Variants in MAPK10 observed in about 807,000 individuals in gnomAD.
MAPK10 encodes JNK3 alpha protein kinase.
In MAPK10, 25 loss-of-function variants were observed where a neutral mutation model predicts 59.3. That is an observed-to-expected ratio of 0.42 (90% confidence interval 0.31 to 0.59). MAPK10 has a LOEUF of 0.59. Among genes scored for constraint, MAPK10 ranks in the 20% least tolerant of loss-of-function variants. The probability of loss-of-function intolerance (pLI) is 0.15; values close to 1 mark genes in which losing one functional copy is unlikely to be tolerated. For synonymous variants in MAPK10, 190 were observed against 200.5 expected, an observed-to-expected ratio of 0.95 and a Z score of 0.44; for missense variants, 351 against 568.9, an observed-to-expected ratio of 0.62 and a Z score of 3.90.
intron 2 of MAPK10, among the ~76,000 whole-genome samples, chr4:86,318,529 T>G (rs555429449): frequency 6.6e-6 from 1 of 152,164 alleles, no homozygotes; most frequent in Non-Finnish European, 1.5e-5. Context: ...GGAAGACCTA[T>G]GAGAAAGCTA....
chr4:86,234,594 A>G (rs532236151), intron 2 of MAPK10, among the ~76,000 whole-genome samples: 69 of 152,260 alleles, frequency 4.5e-4, no homozygotes, highest in Non-Finnish European at 7.5e-4. Context: ...TGACAAATGT[A>G]TTAACAAGTA....
At chr4:86,567,186 T>G (rs1183794346) in intron 1 of MAPK10, among the ~76,000 whole-genome samples, 1 of 152,192 alleles carries the variant, frequency 6.6e-6, no homozygotes. Context: ...GTATAATTTT[T>G]CATACTTGAA....
At chr4:86,101,380 A>G (rs762505312) in intron 7 of MAPK10, 163 bp from the exon 8 acceptor site, 3 of 532,040 alleles carry the variant, frequency 5.6e-6, no homozygotes, top group Non-Finnish European at 6.7e-6. Context: ...TAAGTTAACT[A>G]TTAGTTTTTG....
chr4:86,529,609 C>T (rs922758905), intron 1 of MAPK10, among the ~76,000 whole-genome samples: 2 of 152,072 alleles, frequency 1.3e-5, no homozygotes, highest in African/African-American at 4.8e-5. Context: ...CCCTCTCTCA[C>T]ATACTTGACT....
At chr4:86,438,954 TTC>T (rs1267868088) in intron 1 of MAPK10, among the ~76,000 whole-genome samples, 1 of 152,166 alleles carries the variant, frequency 6.6e-6, no homozygotes, top group Admixed American at 6.5e-5. Context: ...AGCAAAGGAT[TTC>T]AAGCCAGCAG....
chr4:86,473,289 G>A (rs914132759), intron 1 of MAPK10, among the ~76,000 whole-genome samples: 1 of 152,180 alleles, frequency 6.6e-6, no homozygotes, highest in Non-Finnish European at 1.5e-5. Context: ...TATTTGAACA[G>A]ATATCACATA....
chr4:86,099,219 A>G (rs1246933678), intron 8 of MAPK10: 4 of 152,370 alleles, frequency 2.6e-5, no homozygotes, highest in Non-Finnish European at 5.9e-5. Flanking sequence ...CATCAGTTTT[A>G]GTTTCCATTT....
chr4:86,537,569 C>A lies in MAPK10; in HGVS notation c.-263+56341G>T, dbSNP rs186317002. ...GAGCATGAAAAATCTGATTGTGACA[C>A]GTCAAAAGGACAGAGAAGCCAGTTT... On this transcript the variant is annotated intron_variant, in intron 1 of 4. Coordinates refer to the MAPK10 transcript ENST00000502302. Among the ~76,000 whole-genome samples, 13 of 152,244 alleles carry A rather than the reference C, an allele frequency of 8.5e-5. No homozygotes were observed. The East Asian group carries it at 2.3e-3, about 27-fold the overall frequency.
At position 86,459,957 on chromosome 4, in the gene MAPK10, C is replaced by G. The variant is rs1423913613; in HGVS notation, c.-262-105313G>C. On this transcript the variant is annotated intron_variant, in intron 1 of 4. Transcript: ENST00000502302. ...AAAAATAAACTTCTAAGAAAAAAAT[C>G]TAAAAAAAAAGCTAGTTGTTTCAAA... 2.0e-5 allele frequency among the ~76,000 whole-genome samples: 3 copies of G among 151,452 alleles called. No individual in the cohort carries two copies. In the East Asian group the frequency reaches 5.8e-4, roughly 29 times the overall value.
chr4:86,542,185 T>G (rs1758760791), intron 1 of MAPK10, among the ~76,000 whole-genome samples: 1 of 152,102 alleles, frequency 6.6e-6, no homozygotes, highest in Non-Finnish European at 1.5e-5. Context: ...GAAGCCCAAT[T>G]ACATTAAAAA....
At chr4:86,530,130 T>C (rs1478235054) in intron 1 of MAPK10, among the ~76,000 whole-genome samples, 1 of 150,948 alleles carries the variant, frequency 6.6e-6, no homozygotes, top group Admixed American at 6.6e-5. Context: ...TTGATCAGAA[T>C]CTTCAGGGCT....
chr4:86,544,873 GT>G lies in MAPK10; in HGVS notation c.-263+49036del, dbSNP rs998513451. Among the ~76,000 whole-genome samples, 79 of 151,076 alleles carry G rather than the reference GT, an allele frequency of 5.2e-4. 1 individual carries two copies. In the Middle Eastern group the frequency reaches 0.021, roughly 40 times the overall value. ...ATATCCTTGTCTTTCAAACTGAAAG[GT>G]TTTTTTCTTTTTTTTTTTTTCACTA... On this transcript the variant is annotated intron_variant, in intron 1 of 4. Transcript: ENST00000502302.
intron 2 of MAPK10, among the ~76,000 whole-genome samples, chr4:86,342,084 CA>C (rs1725309775): frequency 6.6e-6 from 1 of 152,180 alleles, no homozygotes. Context: ...AGAAAACAGC[CA>C]AAATTGACAA....
intron 1 of MAPK10, among the ~76,000 whole-genome samples, chr4:86,516,286 CT>C (rs1221630014): frequency 6.6e-6 from 1 of 152,122 alleles, no homozygotes; most frequent in Non-Finnish European, 1.5e-5. Flanking sequence ...TGACTATAAA[CT>C]TGTAGCATAG....
chr4:86,352,053 G>A (rs1452360608), intron 2 of MAPK10: 1 of 152,156 alleles, frequency 6.6e-6, no homozygotes, highest in East Asian at 1.9e-4. Flanking sequence ...TGTAAATCAA[G>A]TGTTGGTGAG....
chr4:86,165,866 C>G (rs565328999), intron 3 of MAPK10, among the ~76,000 whole-genome samples: 16 of 151,910 alleles, frequency 1.1e-4, no homozygotes, highest in Middle Eastern at 6.8e-3. Flanking sequence ...AGTTAGTTGG[C>G]CTAGAGATGG....
At chr4:86,075,752 C>A (rs1443880435) in intron 9 of MAPK10, among the ~76,000 whole-genome samples, 4 of 152,160 alleles carry the variant, frequency 2.6e-5, no homozygotes, top group African/African-American at 4.8e-5. Context: ...TCTGCCCATT[C>A]TCAGATCTCC....
At position 86,527,312 on chromosome 4, in the gene MAPK10, C is replaced by CAA. The variant is rs57390422; in HGVS notation, c.-263+66596_-263+66597dup. ...GAGCAACAGAGTGAGACACTGTTGC[C>CAA]AAAAAAAAAAAAAAAAAAAAAAAAA... On this transcript the variant is annotated intron_variant, in intron 1 of 4. Coordinates refer to the MAPK10 transcript ENST00000502302. 5.7e-3 allele frequency among the ~76,000 whole-genome samples: 93 copies of CAA among 16,194 alleles called. 17 individuals carry two copies. Among genetic ancestry groups the CAA allele is most frequent in the African/African-American group, 0.011 (65 of 5,872 alleles). The allele number at this position is 16,194 out of a possible 152,430, so 10.6% of individuals were successfully genotyped here.
rs998028337 is a variant in MAPK10 at position 86,351,358 on chromosome 4, ATG to A, written c.-7+3170_-7+3171del. ...AATATATTACAACATTAGTCATACA[ATG>A]TGTGTGTGTATATATATATACAGTG... On this transcript the variant is annotated intron_variant, in intron 2 of 13. Coordinates refer to ENST00000641462, the MANE Select transcript of MAPK10 (RefSeq NM_138982.4). Among the ~76,000 whole-genome samples, 49 of 149,280 alleles carry A rather than the reference ATG, an allele frequency of 3.3e-4. No homozygotes were observed. The South Asian group carries it at 0.01, about 31-fold the overall frequency.
Sources: allele counts gnomAD v4.1 joint callset (sites outside exome capture counted in the v4.1 genomes callset), GRCh38; gene constraint gnomAD v4.1.1; transcripts MANE v1.5; gene names NCBI Gene and HGNC (gene_info 2026-07-23, HGNC 2026-07-21).